DLGAP1: variants seen among roughly 807,000 people sequenced by gnomAD.
DLGAP1 encodes the protein disks large-associated protein 1.
A neutral mutation model predicts 90.8 loss-of-function variants in DLGAP1; 11 were observed. The observed-to-expected ratio is 0.12, with a 90% CI of 0.08 to 0.20. The LOEUF is 0.20. Ranked by LOEUF, DLGAP1 falls within the 10% of genes least tolerant of loss-of-function variation. The pLI is 1.00. For missense variants in DLGAP1, 1,050 were observed against 1,333.8 expected, an observed-to-expected ratio of 0.79 and a Z score of 3.31; for synonymous variants, 558 against 540.7, an observed-to-expected ratio of 1.03 and a Z score of -0.44.
At chr18:3,525,444 G>C (rs772883865) in intron 10 of DLGAP1, among the ~76,000 whole-genome samples, 4 of 152,140 alleles carry the variant, frequency 2.6e-5, no homozygotes, top group Non-Finnish European at 5.9e-5. Flanking sequence ...CTGTCACCCA[G>C]GCTGGAGTGC....
At chr18:3,659,924 G>A (rs1016036906) in intron 7 of DLGAP1, among the ~76,000 whole-genome samples, 13 of 152,036 alleles carry the variant, frequency 8.6e-5, no homozygotes, top group Non-Finnish European at 1.8e-4. Flanking sequence ...GGACCCATTA[G>A]CCACATGGTT....
rs563731078 is a variant in DLGAP1 at position 4,178,143 on chromosome 18, T to C, written c.-266-26856A>G. 1.1e-4 allele frequency among the ~76,000 whole-genome samples: 17 copies of C among 151,458 alleles called. No homozygotes were observed. The East Asian group carries it at 3.1e-3, about 28-fold the overall frequency. ...TTCTGAGATTCAGACTATCCCACTA[T>C]AGGGTCTTACTCTCTCTTCCTTATC... is the stretch of plus-strand genomic sequence containing the variant. On this transcript the variant is annotated intron_variant, in intron 1 of 12. Coordinates refer to ENST00000315677, the MANE Select transcript of DLGAP1 (RefSeq NM_004746.4).
At position 3,882,370 on chromosome 18, in the gene DLGAP1, TA is replaced by T. The variant is rs112410105; in HGVS notation, c.-72-2231del. Among the ~76,000 whole-genome samples the T allele has an allele frequency of 6.5e-3, 925 of 143,086 alleles. 20 individuals carry two copies. Among genetic ancestry groups the T allele is most frequent in the Admixed American group, 0.037 (537 of 14,324 alleles). 93.9% of individuals were successfully genotyped at this position (143,086 alleles called of 152,430 possible). A position where few individuals can be genotyped will look rare whatever the true frequency, so the allele number is the denominator to read the frequency against. On this transcript the variant is annotated intron_variant, in intron 3 of 12. Coordinates refer to ENST00000315677, the MANE Select transcript of DLGAP1 (RefSeq NM_004746.4). ...GGGAAACATAGTGGGACCCAGTCTT[TA>T]AAAAAAAAAAAATTAGCTGGGAGTG...
At chr18:3,977,852 C>T in intron 3 of DLGAP1, 1 of 393,262 alleles carries the variant, frequency 2.5e-6, no homozygotes, top group East Asian at 8.1e-5. Context: ...AGGGTCCCCT[C>T]TGATGCCTGC....
rs1305131487 is a variant in DLGAP1 at position 3,660,148 on chromosome 18, A to G, written c.1591+68987T>C. Among the ~76,000 whole-genome samples, 2 of 151,926 alleles carry G rather than the reference A, an allele frequency of 1.3e-5. No individual in the cohort carries two copies. The highest frequency in any genetic ancestry group is 4.8e-5 in the African/African-American group (2 of 41,340). On this transcript the variant is annotated intron_variant, in intron 7 of 12. Transcript: ENST00000315677. This position sits in a 1 kb window ranked among gnomAD's most constrained non-coding sequence, Gnocchi z 4.2. ...GAAATAACTCTATCCCATTGCTCTT[A>G]TTTATTTATTTGTTTACTTAATTTT...
rs113414535 is a variant in DLGAP1, at chr18:3,798,872, T to G, written c.1172+15187A>C. 1.7e-3 allele frequency among the ~76,000 whole-genome samples: 255 copies of G among 152,292 alleles called. 1 individual carries two copies. Among genetic ancestry groups the G allele is most frequent in the African/African-American group, 5.7e-3 (239 of 41,566 alleles). On this transcript the variant is annotated intron_variant, in intron 5 of 12. Coordinates refer to ENST00000315677, the MANE Select transcript of DLGAP1 (RefSeq NM_004746.4). ...ACTTAATGGCCTCAATAGACTTTTT[T>G]TTTTCTTTCTTTCTCTTTTGAGATG...
chr18:4,147,441 C>T (rs979893083), intron 2 of DLGAP1, among the ~76,000 whole-genome samples: 7 of 152,218 alleles, frequency 4.6e-5, no homozygotes, highest in Admixed American at 3.9e-4. Flanking sequence ...TGAGTATGGG[C>T]TTATATAATA....
Position 3,523,663 on chromosome 18 carries a change from C to A in DLGAP1, c.2479+10531G>T, listed in dbSNP as rs1232001. On this transcript the variant is annotated intron_variant, in intron 10 of 12. Coordinates refer to ENST00000315677, the MANE Select transcript of DLGAP1 (RefSeq NM_004746.4). ...GAGATCGAGACCATCCTGGCTAACA[C>A]GGTGAAACCCCGTCTCTACTAAAAA... Among the ~76,000 whole-genome samples, 115 of 151,494 alleles carry A rather than the reference C, an allele frequency of 7.6e-4. 3 individuals carry two copies. The East Asian group carries it at 0.018, about 24-fold the overall frequency.
intron 11 of DLGAP1, among the ~76,000 whole-genome samples, chr18:3,508,357 A>T (rs1490627173): frequency 6.6e-6 from 1 of 152,144 alleles, no homozygotes; most frequent in Non-Finnish European, 1.5e-5. Flanking sequence ...ACTTGACTGA[A>T]TTTTTTCTAA....
chr18:4,418,784 A>G (rs1286750640), intron 1 of DLGAP1, among the ~76,000 whole-genome samples: 1 of 152,158 alleles, frequency 6.6e-6, no homozygotes, highest in African/African-American at 2.4e-5. Context: ...AACAGGGCAG[A>G]ACAAACATTT....
intron 1 of DLGAP1, among the ~76,000 whole-genome samples, chr18:4,192,724 T>C (rs544872141): frequency 6.6e-6 from 1 of 152,212 alleles, no homozygotes; most frequent in Admixed American, 6.5e-5. Flanking sequence ...AAATGTTCCC[T>C]AAGGTAGGGC....
intron 3 of DLGAP1, among the ~76,000 whole-genome samples, chr18:3,882,182 T>C (rs1013329280): frequency 1.3e-5 from 2 of 152,128 alleles, no homozygotes; most frequent in African/African-American, 4.8e-5. Flanking sequence ...AAGTTAAGCT[T>C]GACTAGGCTA....
chr18:3,818,254 C>A (rs1168310342), intron 4 of DLGAP1, among the ~76,000 whole-genome samples: 1 of 150,962 alleles, frequency 6.6e-6, no homozygotes. Flanking sequence ...CATATGTTAT[C>A]ATTCAGAAAA....
chr18:4,430,584 G>A (rs12458481), intron 1 of DLGAP1: 40,322 of 148,454 alleles, frequency 0.27, 5,985 homozygotes, highest in East Asian at 0.38. Context: ...TTCTTTTCCC[G>A]CAGTTTTATT....
chr18:3,742,501 T>C lies in DLGAP1; in HGVS notation c.1184A>G (p.Glu395Gly), dbSNP rs757297840. 7 of 1,614,026 alleles carry C rather than the reference T, an allele frequency of 4.3e-6. No homozygotes were observed. The Admixed American group carries it at 1.2e-4, about 27-fold the overall frequency. ...CCGGATCTGGAGTTTGGGTGAGTGT[T>C]CATTGGAGATTCTGGAAGGGAACAA... ...TELTTLKISN[E>G]HSPKLQIRSH... The change falls in exon 6 of 13, where the codon GAA becomes GGA. Residue 395 changes from glutamate (E) to glycine (G), a missense_variant. Glu to Gly is a moderately conservative substitution (Grantham distance 98, BLOSUM62 -2). Coordinates refer to ENST00000315677, the MANE Select transcript of DLGAP1 (RefSeq NM_004746.4).
chr18:4,118,408 C>G (rs7237768), intron 2 of DLGAP1, among the ~76,000 whole-genome samples: 18,302 of 152,148 alleles, frequency 0.12, 1,132 homozygotes, highest in Middle Eastern at 0.19. Flanking sequence ...CTTGCCTTTC[C>G]TTGTATGGAG....
chr18:4,045,493 G>A (rs2075039687), intron 2 of DLGAP1, among the ~76,000 whole-genome samples: 1 of 139,640 alleles, frequency 7.2e-6, no homozygotes, highest in Admixed American at 7.8e-5. Flanking sequence ...CAGTTACTTG[G>A]GAGGGTGAGG....
chr18:3,990,558 C>A (rs2073944257), intron 3 of DLGAP1, among the ~76,000 whole-genome samples: 1 of 150,898 alleles, frequency 6.6e-6, no homozygotes, highest in Non-Finnish European at 1.5e-5. Flanking sequence ...GGGTGCAACA[C>A]ACCAACATGG....
intron 2 of DLGAP1, among the ~76,000 whole-genome samples, chr18:4,124,120 C>T (rs2076196357): frequency 6.6e-6 from 1 of 152,206 alleles, no homozygotes; most frequent in Admixed American, 6.5e-5. Context: ...ACTGACTGCT[C>T]TTTGTCCAAT....
Sources: gnomAD v4.1 joint callset for allele counts (sites outside exome capture counted in the v4.1 genomes callset) on GRCh38, gnomAD v4.1.1 for gene constraint, Gnocchi (gnomAD v3.1) non-coding constraint, MANE v1.5 for transcripts, NCBI Gene and HGNC (gene_info 2026-07-23, HGNC 2026-07-21) for gene names.